The following SELENOT variants were observed in gnomAD, a reference collection of about 807,000 sequenced individuals.
The protein encoded by SELENOT is selenoprotein T, also known as thioredoxin reductase-like selenoprotein T.
In SELENOT, 9 loss-of-function variants were observed where a neutral mutation model predicts 24.3. The observed-to-expected ratio is 0.37, with a 90% confidence interval of 0.22 to 0.65. SELENOT has a LOEUF of 0.65. Ranked by LOEUF, SELENOT falls within the 30% of genes least tolerant of loss-of-function variation. The probability of loss-of-function intolerance (pLI) is 0.60; values close to 1 mark genes in which losing one functional copy is unlikely to be tolerated. For synonymous variants in SELENOT, 81 were observed against 86.0 expected (o/e 0.94, Z 0.32); for missense variants, 166 against 247.6 (o/e 0.67, Z 2.21).
intron 1 of SELENOT, among the ~76,000 whole-genome samples, chr3:150,613,356 T>C (rs1343730409): frequency 6.6e-6 from 1 of 152,218 alleles, no homozygotes; most frequent in Non-Finnish European, 1.5e-5. Flanking sequence ...GTAGGACATA[T>C]TCAAACCATA....
chr3:150,603,657 T>C, intron 1 of SELENOT, 158 bp downstream of exon 1: 1 of 873,084 alleles, frequency 1.1e-6, no homozygotes, highest in Middle Eastern at 3.7e-4. Context: ...CGCGGCCCCT[T>C]AGCGCGGTCA....
At chr3:150,605,082 G>A (rs1483107586) in intron 1 of SELENOT, among the ~76,000 whole-genome samples, 2 of 149,484 alleles carry the variant, frequency 1.3e-5, no homozygotes, top group African/African-American at 4.9e-5. Context: ...CTATGTTTCT[G>A]GAATATATCA....
At chr3:150,625,177 G>A (rs766752376) in intron 4 of SELENOT, among the ~76,000 whole-genome samples, 26 of 151,466 alleles carry the variant, frequency 1.7e-4, no homozygotes, top group Non-Finnish European at 2.4e-4. Context: ...GATTGTCTCT[G>A]TGAACTTTAT....
chr3:150,611,593 T>C, intron 1 of SELENOT: 1 of 1,355,344 alleles, frequency 7.4e-7, no homozygotes, highest in Admixed American at 1.7e-5. Context: ...ATCACATATG[T>C]AAAGATGCCT....
Position 150,605,670 on chromosome 3 carries a change from G to T in SELENOT, c.137+2171G>T, listed in dbSNP as rs927438632. Among the ~76,000 whole-genome samples, 4 of 152,152 alleles carry T rather than the reference G, an allele frequency of 2.6e-5. No individual in the cohort carries two copies. In the East Asian group the frequency reaches 7.7e-4, roughly 29 times the overall value. On this transcript the variant is annotated intron_variant, in intron 1 of 5. Transcript: ENST00000471696. ...GTTTAATCTGTAGATGGGAAATAAC[G>T]TTATTAATAAGACCCACCAAATACA... is the stretch of plus-strand genomic sequence containing the variant.
At chr3:150,615,324 A>G (rs1460555684) in intron 1 of SELENOT, among the ~76,000 whole-genome samples, 1 of 151,670 alleles carries the variant, frequency 6.6e-6, no homozygotes, top group Non-Finnish European at 1.5e-5. Flanking sequence ...CGCAATAAAC[A>G]TACGTGTGCA....
intron 5 of SELENOT, among the ~76,000 whole-genome samples, 178 bp downstream of exon 5, chr3:150,627,341 T>G (rs1726467346): frequency 6.6e-6 from 1 of 152,208 alleles, no homozygotes; most frequent in Admixed American, 6.5e-5. Flanking sequence ...CAAAATAAAG[T>G]CAGGTTGTTA....
chr3:150,609,361 T>C (rs1185891275), intron 1 of SELENOT, among the ~76,000 whole-genome samples: 1 of 152,126 alleles, frequency 6.6e-6, no homozygotes, highest in Non-Finnish European at 1.5e-5. Context: ...TTTCTTTTTC[T>C]TTTTTTGAGA....
chr3:150,625,799 C>G (rs906814058), intron 4 of SELENOT, among the ~76,000 whole-genome samples: 9 of 151,900 alleles, frequency 5.9e-5, no homozygotes, highest in African/African-American at 2.2e-4. Flanking sequence ...ATCTCTTGGT[C>G]CATAAAGTGT....
Position 150,627,093 on chromosome 3 carries a change from C to T in SELENOT, c.547C>T (p.Leu183Phe). 6.2e-7 allele frequency: 1 copy of T among 1,613,700 alleles called. No individual in the cohort carries two copies. The highest frequency in any genetic ancestry group is 8.5e-7 in the Non-Finnish European group (1 of 1,179,656). Reference sequence around the variant, plus strand: ...TCAAATTCTTGACAATGAAATGAAGCTCAATGTGCATATGGATTCAATCCC... The same window carrying T: ...TCAAATTCTTGACAATGAAATGAAGTTCAATGTGCATATGGATTCAATCCC... ...LVQILDNEMK[L>F]NVHMDSIPHH... Residue 183 changes from leucine to phenylalanine, a missense_variant, in exon 5 of 6, where the codon CTC becomes TTC. Leu to Phe is a conservative substitution (Grantham distance 22). Transcript: ENST00000471696.
chr3:150,618,419 A>G (rs1214353153), intron 1 of SELENOT, among the ~76,000 whole-genome samples: 2 of 152,224 alleles, frequency 1.3e-5, no homozygotes, highest in South Asian at 2.1e-4. Context: ...TTTAATGAGG[A>G]TGCGAGAGAT....
intron 2 of SELENOT, 133 bp from the exon 3 acceptor site, chr3:150,622,910 C>T (rs1004724110): frequency 1.3e-6 from 1 of 777,232 alleles, no homozygotes; most frequent in Middle Eastern, 4.3e-4. Context: ...GCACAATAAA[C>T]TTTAATTGCT....
chr3:150,603,912 C>G (rs529667230), intron 1 of SELENOT, among the ~76,000 whole-genome samples: 1 of 152,230 alleles, frequency 6.6e-6, no homozygotes, highest in Non-Finnish European at 1.5e-5. Flanking sequence ...TTTTTCTGCC[C>G]TCTTTTCCGG....
At chr3:150,615,726 C>T (rs1414028749) in intron 1 of SELENOT, among the ~76,000 whole-genome samples, 2 of 152,176 alleles carry the variant, frequency 1.3e-5, no homozygotes, top group African/African-American at 4.8e-5. Context: ...AAGAACATTC[C>T]ATGCTCATGG....
In SELENOT at chr3:150,630,008, T is replaced by C. The variant is rs1187588465; in HGVS notation, c.*2379T>C. On this transcript the variant is annotated 3_prime_UTR_variant, in exon 6 of 6. Transcript: ENST00000471696. ...ACCACAGTTGCCATTGTGGAAGAAA[T>C]TATTTGGTACATTAATAAAAAAAGT... 1 of 152,580 alleles carries C rather than the reference T, an allele frequency of 6.6e-6. No homozygotes were observed. The highest frequency in any genetic ancestry group is 1.5e-5 in the Non-Finnish European group (1 of 68,034). 9.5% of individuals were successfully genotyped at this position (152,580 alleles called of 1,614,324 possible).
At chr3:150,622,655 A>G (rs916908837) in intron 2 of SELENOT, among the ~76,000 whole-genome samples, 160 bp downstream of exon 2, 5 of 152,214 alleles carry the variant, frequency 3.3e-5, no homozygotes, top group African/African-American at 1.2e-4. Flanking sequence ...ATTTGACCCA[A>G]TATAGAAGGC....
rs1487418060 is a variant in SELENOT, at chr3:150,624,875, G to A, written c.439G>A (p.Gly147Ser). 1.3e-6 allele frequency: 2 copies of A among 1,559,736 alleles called. No individual in the cohort carries two copies. The highest frequency in any genetic ancestry group is 1.7e-6 in the Non-Finnish European group (2 of 1,150,368). Residue 147 changes from glycine to serine, a missense_variant, in exon 4 of 6, where the codon GGT (glycine) becomes AGT (serine). Physicochemically the swap from Gly to Ser is moderately conservative, Grantham distance 56 (BLOSUM62 0). Around this residue, in one of 5 missense-constraint regions of SELENOT, gnomAD observed 44 missense variants for 72.2 expected, o/e 0.61. Transcript: ENST00000471696. ...NMIENQCMSTGAFEITLNDVP... is the reference protein window; with the variant it reads ...NMIENQCMSTSAFEITLNDVP... Reference sequence around the variant, plus strand: ...GATTGAGAACCAGTGTATGTCAACAGGTGCATTTGAGATAACTTTAAATGG... The same window carrying A: ...GATTGAGAACCAGTGTATGTCAACAAGTGCATTTGAGATAACTTTAAATGG...
chr3:150,603,345 G>A lies in SELENOT; in HGVS notation c.-18G>A, dbSNP rs1246126490. 4 of 1,605,556 alleles carry A rather than the reference G, an allele frequency of 2.5e-6. No individual in the cohort carries two copies. The highest frequency in any genetic ancestry group is 3.4e-5 in the Admixed American group (2 of 59,678). ...TGCAGTCTGTCTGAGGGCGGCCGAA[G>A]TGGCTGGCTCATTTAAGATGAGGCT... On this transcript the variant is annotated 5_prime_UTR_variant, in exon 1 of 6. It adds an upstream start codon to the 5' untranslated region. Transcript: ENST00000471696.
rs1163669100 is a variant in SELENOT, at chr3:150,623,152, T to C, written c.358T>C (p.Trp120Arg). 1.9e-6 allele frequency: 3 copies of C among 1,603,226 alleles called. No individual in the cohort carries two copies. The highest frequency in any genetic ancestry group is 2.6e-6 in the Non-Finnish European group (3 of 1,175,192). The change falls in exon 3 of 6, where the codon TGG becomes CGG. Residue 120 changes from tryptophan (W) to arginine (R), a missense_variant. Physicochemically the swap from Trp to Arg is moderately radical, Grantham distance 101. Around this residue, in one of 5 missense-constraint regions of SELENOT, gnomAD observed 71 missense variants for 89.2 expected, o/e 0.80. Transcript: ENST00000471696. Reference protein sequence around the residue: ...FGMQAPSIWQWGQENKVYACM... With the variant: ...FGMQAPSIWQRGQENKVYACM... ...CATGCAAGCTCCTAGCATCTGGCAG[T>C]GGGGCCAAGAAAATAAGGTATGTAA...
Sources: allele counts gnomAD v4.1 joint callset (sites outside exome capture counted in the v4.1 genomes callset), GRCh38; gene constraint gnomAD v4.1.1; regional missense constraint gnomAD v4.1.1; transcripts MANE v1.5; gene names NCBI Gene and HGNC (gene_info 2026-07-23, HGNC 2026-07-21).